The following NECTIN2 variants were observed in gnomAD, a reference collection of about 807,000 sequenced individuals.
NECTIN2 encodes the protein nectin-2.
Under a neutral mutation model 56.9 loss-of-function variants are expected in NECTIN2, and 23 were observed. That is an observed-to-expected ratio of 0.40 (90% CI 0.29 to 0.57). NECTIN2 has a LOEUF of 0.57. NECTIN2 is among the 20% of genes least tolerant of loss of function. The probability of loss-of-function intolerance (pLI) is 0.38; values close to 1 mark genes in which losing one functional copy is unlikely to be tolerated. For missense variants in NECTIN2, 587 were observed against 718.3 expected (o/e 0.82, Z 2.09); for synonymous variants, 302 against 313.8 (o/e 0.96, Z 0.40).
chr19:44,872,800 ATTAT>A (rs1969191660), intron 3 of NECTIN2, among the ~76,000 whole-genome samples: 2 of 147,460 alleles, frequency 1.4e-5, no homozygotes, highest in African/African-American at 2.5e-5. Context: ...TTTATTATTT[ATTAT>A]TTATTATTAT....
At chr19:44,887,980 G>T in intron 8 of NECTIN2, 130 bp from the exon 9 acceptor site, 1 of 977,984 alleles carries the variant, frequency 1.0e-6, no homozygotes, top group Non-Finnish European at 1.5e-6. Context: ...GGCCTCAGGG[G>T]ACAAGGAGTG....
At position 44,874,834 on chromosome 19, in the gene NECTIN2, G is replaced by A. The variant is rs1969218851; in HGVS notation, c.1042+356G>A. ...TAGAGTCAGGCATGCAAACTTCAAA[G>A]AGACAGAAACCAAGAGCTCCCACCC... On this transcript the variant is annotated intron_variant, in intron 5 of 8. Coordinates refer to ENST00000252483, the MANE Select transcript of NECTIN2 (RefSeq NM_001042724.2). The surrounding 1 kb of genome is among the most constrained non-coding windows in gnomAD (Gnocchi z 6.3). 1 of 217,114 alleles carries A rather than the reference G, an allele frequency of 4.6e-6. No homozygotes were observed. The highest frequency in any genetic ancestry group is 8.4e-5 in the South Asian group (1 of 11,888). 13.4% of individuals were successfully genotyped at this position (217,114 alleles called of 1,614,324 possible).
chr19:44,853,255 G>T (rs557126587), intron 1 of NECTIN2, among the ~76,000 whole-genome samples: 2 of 152,156 alleles, frequency 1.3e-5, no homozygotes, highest in African/African-American at 4.8e-5. Flanking sequence ...GGAGTGCAGT[G>T]GCGCGATCTC....
intron 1 of NECTIN2, among the ~76,000 whole-genome samples, chr19:44,851,852 T>C (rs1307971479): frequency 6.6e-6 from 1 of 152,214 alleles, no homozygotes; most frequent in Non-Finnish European, 1.5e-5. Context: ...ACCTCCTGGC[T>C]GTATCTCCCT....
chr19:44,856,464 A>T (rs1175971345), intron 1 of NECTIN2, among the ~76,000 whole-genome samples: 1 of 152,086 alleles, frequency 6.6e-6, no homozygotes, highest in East Asian at 1.9e-4. Flanking sequence ...AAGTTAAGTC[A>T]TTCTCTATTT....
rs542561417 is a variant in NECTIN2 at position 44,887,312 on chromosome 19, G to C, written c.1348-798G>C. On this transcript the variant is annotated intron_variant, in intron 8 of 8. Transcript: ENST00000252483. Reference sequence around the variant, plus strand: ...TGCAATGAGCTGAGACCACGCCACTGCACTCCAGCCTAGGCAACAGAGCAA... The same window carrying C: ...TGCAATGAGCTGAGACCACGCCACTCCACTCCAGCCTAGGCAACAGAGCAA... Among the ~76,000 whole-genome samples the C allele has an allele frequency of 4.5e-3, 672 of 150,830 alleles. 8 individuals are homozygous for C. Among genetic ancestry groups the C allele is most frequent in the African/African-American group, 0.016 (639 of 41,036 alleles).
At chr19:44,848,620 C>T (rs985908978) in intron 1 of NECTIN2, among the ~76,000 whole-genome samples, 2 of 151,724 alleles carry the variant, frequency 1.3e-5, no homozygotes, top group African/African-American at 4.8e-5. Context: ...CCCAATCCTT[C>T]GCCTCTGCTG....
intron 2 of NECTIN2, among the ~76,000 whole-genome samples, chr19:44,868,444 G>GC (rs1395512854): frequency 7.7e-6 from 1 of 130,464 alleles, no homozygotes; most frequent in East Asian, 3.0e-4. Flanking sequence ...TTTGAAGGAT[G>GC]CTTTTTTTTC....
At chr19:44,851,207 G>GCT (rs1968895653) in intron 1 of NECTIN2, among the ~76,000 whole-genome samples, 1 of 127,502 alleles carries the variant, frequency 7.8e-6, no homozygotes, top group African/African-American at 3.1e-5. Flanking sequence ...GGCCACCAGT[G>GCT]CTTCCTCCCT....
intron 1 of NECTIN2, among the ~76,000 whole-genome samples, chr19:44,849,069 G>T (rs1185501028): frequency 6.6e-6 from 1 of 152,136 alleles, no homozygotes; most frequent in African/African-American, 2.4e-5. Flanking sequence ...TGGGGGGTGG[G>T]TATATAGAGA....
Position 44,888,296 on chromosome 19 carries a change from A to G in NECTIN2, c.1534A>G (p.Ile512Val), listed in dbSNP as rs781170524. 1 of 1,613,840 alleles carries G rather than the reference A, an allele frequency of 6.2e-7. No homozygotes were observed. The highest frequency in any genetic ancestry group is 8.5e-7 in the Non-Finnish European group (1 of 1,179,942). Residue 512 changes from isoleucine to valine, a missense_variant, in exon 9 of 9, where the codon ATC becomes GTC. By Grantham distance (29) the Ile-to-Val change is conservative. Transcript: ENST00000252483. The part of the protein sequence containing the change: ...EEEYLDKINP[I>V]YDALSYSSPS... ...AGAGTATCTGGACAAGATCAACCCC[A>G]TCTATGATGCTCTGTCCTATAGCAG...
At chr19:44,877,827 C>T (rs1969257164) in intron 5 of NECTIN2, among the ~76,000 whole-genome samples, 1 of 152,216 alleles carries the variant, frequency 6.6e-6, no homozygotes, top group African/African-American at 2.4e-5. Context: ...TCGGCTACGG[C>T]GATCGCCAGA....
chr19:44,871,826 ACGCACCCC>A lies in NECTIN2; in HGVS notation c.479-25_479-18del. 1 of 1,602,734 alleles carries A rather than the reference ACGCACCCC, an allele frequency of 6.2e-7. No individual in the cohort carries two copies. Among genetic ancestry groups the A allele is most frequent in the Non-Finnish European group, 8.5e-7 (1 of 1,171,740 alleles). On this transcript the variant is annotated intron_variant, in intron 2 of 8. Transcript: ENST00000252483. ...GTTGAATGACTGCCGGTGAGGAGTG[ACGCACCCC>A]CTCTCCTCCTCTCCCCAGCCAAGCC...
Position 44,874,022 on chromosome 19 carries a change from T to C in NECTIN2, c.882T>C (p.Tyr294=), listed in dbSNP as rs555260455. 5.1e-5 allele frequency: 82 copies of C among 1,612,896 alleles called. No individual in the cohort carries two copies. In the South Asian group the frequency reaches 7.4e-4, roughly 14 times the overall value. The change falls in exon 4 of 9, where the codon TAT becomes TAC. Residue 294 remains tyrosine, a synonymous_variant. Coordinates refer to ENST00000252483, the MANE Select transcript of NECTIN2 (RefSeq NM_001042724.2). The surrounding 1 kb of genome is among the most constrained non-coding windows in gnomAD (Gnocchi z 6.3). ...DVRSNPEPTG[Y]DWSTTSGTFP... ...GCAGCAACCCAGAGCCCACGGGCTATGACTGGAGCACGTGAGTCACGTGGT... is the reference window on the plus strand; with the variant it reads ...GCAGCAACCCAGAGCCCACGGGCTACGACTGGAGCACGTGAGTCACGTGGT...
Position 44,882,289 on chromosome 19 carries a change from T to G in NECTIN2, c.1121T>G (p.Val374Gly). 1 of 1,567,144 alleles carries G rather than the reference T, an allele frequency of 6.4e-7. No homozygotes were observed. The highest frequency in any genetic ancestry group is 1.2e-5 in the South Asian group (1 of 85,336). The change falls in exon 6 of 9, where the codon GTG becomes GGG. Residue 374 changes from valine to glycine, a missense_variant. Coordinates refer to ENST00000252483, the MANE Select transcript of NECTIN2 (RefSeq NM_001042724.2). ...GIIAAIIATA[V>G]AATGILICRQ... The stretch of plus-strand genomic sequence containing the variant: ...ATCGCCGCCATCATTGCTACTGCTG[T>G]GGCTGCCACGGGCATCCTTATCTGC...
chr19:44,884,314 C>T (rs954165235), intron 6 of NECTIN2, among the ~76,000 whole-genome samples: 1 of 152,028 alleles, frequency 6.6e-6, no homozygotes, highest in African/African-American at 2.4e-5. Context: ...TACCACCACA[C>T]CTAGCTAGTT....
intron 5 of NECTIN2, among the ~76,000 whole-genome samples, chr19:44,877,986 C>T (rs1969258921): frequency 6.6e-6 from 1 of 152,134 alleles, no homozygotes; most frequent in East Asian, 1.9e-4. Flanking sequence ...GCATCCCCCT[C>T]CTTGTACAAA....
At chr19:44,849,518 G>T (rs2972568) in intron 1 of NECTIN2, among the ~76,000 whole-genome samples, 1,559 of 152,198 alleles carry the variant, frequency 0.01, 29 homozygotes, top group African/African-American at 0.036. Flanking sequence ...TGCCTGGGAC[G>T]CTGTTACATT....
intron 1 of NECTIN2, among the ~76,000 whole-genome samples, chr19:44,848,801 A>ATC (rs1292822955): frequency 2.1e-5 from 3 of 142,544 alleles, no homozygotes; most frequent in Admixed American, 7.1e-5. Flanking sequence ...TCCTCTCCCC[A>ATC]TCTCTCTCTC....
Sources: gnomAD v4.1 joint callset for allele counts (sites outside exome capture counted in the v4.1 genomes callset) on GRCh38, gnomAD v4.1.1 for gene constraint, Gnocchi (gnomAD v3.1) non-coding constraint, MANE v1.5 for transcripts, NCBI Gene and HGNC (gene_info 2026-07-23, HGNC 2026-07-21) for gene names.